PCSK5: variants seen among roughly 807,000 people sequenced by gnomAD.
The protein encoded by PCSK5 is proprotein convertase subtilisin/kexin type 5.
A neutral mutation model predicts 233.2 loss-of-function variants in PCSK5; 129 were observed. That is an observed-to-expected ratio of 0.55 (90% CI 0.48 to 0.64). The LOEUF is 0.64. PCSK5 is among the 30% of genes least tolerant of loss of function. The pLI is 0.00. For synonymous variants in PCSK5, 825 were observed against 879.2 expected (o/e 0.94, Z 1.09); for missense variants, 2,076 against 2,430.1 (o/e 0.85, Z 3.06).
chr9:76,201,140 T>G (rs954724154), intron 20 of PCSK5, among the ~76,000 whole-genome samples: 2 of 152,160 alleles, frequency 1.3e-5, no homozygotes, highest in East Asian at 3.9e-4. Flanking sequence ...GCAAGGCCTG[T>G]TTGCAAAACT....
intron 10 of PCSK5, among the ~76,000 whole-genome samples, chr9:76,147,858 A>G (rs1231984578): frequency 6.6e-6 from 1 of 152,116 alleles, no homozygotes. Context: ...GCTCCCAGCC[A>G]CATCTGTTCT....
chr9:76,237,271 T>C (rs1035365472), intron 22 of PCSK5, among the ~76,000 whole-genome samples: 1 of 152,216 alleles, frequency 6.6e-6, no homozygotes, highest in Non-Finnish European at 1.5e-5. Context: ...AAATGCACAT[T>C]AGTCCTTCCA....
At chr9:75,989,128 G>A (rs954896995) in intron 3 of PCSK5, among the ~76,000 whole-genome samples, 1 of 152,134 alleles carries the variant, frequency 6.6e-6, no homozygotes, top group Non-Finnish European at 1.5e-5. Flanking sequence ...GAACGAGTCA[G>A]GACTTTCAGA....
chr9:75,964,958 C>G (rs141559133), intron 2 of PCSK5, among the ~76,000 whole-genome samples: 144 of 152,204 alleles, frequency 9.5e-4, no homozygotes, highest in Middle Eastern at 3.4e-3. Context: ...AGGATTAGAC[C>G]GTGAAATGGT....
chr9:76,190,501 T>C (rs1824320645), intron 20 of PCSK5, among the ~76,000 whole-genome samples: 1 of 152,180 alleles, frequency 6.6e-6, no homozygotes. Context: ...CTTTTTGCAC[T>C]AAGGATTAGG....
intron 24 of PCSK5, among the ~76,000 whole-genome samples, chr9:76,256,793 C>A (rs1826996603): frequency 6.6e-6 from 1 of 152,172 alleles, no homozygotes; most frequent in African/African-American, 2.4e-5. Context: ...AAAATTGAGT[C>A]AGAAATCTTA....
At chr9:75,932,924 A>G (rs530878575) in intron 2 of PCSK5, among the ~76,000 whole-genome samples, 1 of 152,226 alleles carries the variant, frequency 6.6e-6, no homozygotes, top group East Asian at 1.9e-4. Flanking sequence ...TTTACTTGGC[A>G]CTGATAGACC....
At chr9:76,347,696 G>C (rs1350169311) in intron 35 of PCSK5, among the ~76,000 whole-genome samples, 2 of 150,796 alleles carry the variant, frequency 1.3e-5, no homozygotes, top group East Asian at 3.9e-4. Context: ...ATCAAGACCA[G>C]CCTGGCCAAC....
At chr9:76,287,449 G>T in intron 24 of PCSK5, 1 of 158,894 alleles carries the variant, frequency 6.3e-6, no homozygotes, top group Non-Finnish European at 1.4e-5. Context: ...TCTGACTTTG[G>T]CATGTCATCT....
At chr9:75,948,502 A>G (rs1824690226) in intron 2 of PCSK5, among the ~76,000 whole-genome samples, 1 of 151,960 alleles carries the variant, frequency 6.6e-6, no homozygotes, top group South Asian at 2.1e-4. Context: ...GTCCTTTTTT[A>G]TGGCTGCATA....
chr9:76,083,427 C>T (rs535964220), intron 7 of PCSK5, among the ~76,000 whole-genome samples: 38 of 152,146 alleles, frequency 2.5e-4, no homozygotes, highest in African/African-American at 9.2e-4. Context: ...TTTAGTAATA[C>T]CAATTAAAGC....
At chr9:76,106,682 C>T (rs78459620) in intron 8 of PCSK5, among the ~76,000 whole-genome samples, 125 of 152,302 alleles carry the variant, frequency 8.2e-4, no homozygotes, top group East Asian at 3.3e-3. Context: ...AGTCTTGGTT[C>T]ATCCGTGCAA....
intron 20 of PCSK5, chr9:76,195,578 TATATA>T (rs1458027556): frequency 6.6e-6 from 1 of 152,162 alleles, no homozygotes; most frequent in African/African-American, 2.4e-5. Flanking sequence ...AAGTTAATGT[TATATA>T]TTATGTATAA....
intron 30 of PCSK5, among the ~76,000 whole-genome samples, chr9:76,312,810 T>C (rs527787280): frequency 1.3e-5 from 2 of 152,188 alleles, no homozygotes; most frequent in South Asian, 2.1e-4. Context: ...ACAATTGATA[T>C]TGATATTGAT....
At chr9:76,252,525 A>C (rs899000657) in intron 24 of PCSK5, among the ~76,000 whole-genome samples, 3 of 152,202 alleles carry the variant, frequency 2.0e-5, no homozygotes, top group Admixed American at 2.0e-4. Context: ...GGGATTGAGC[A>C]CACAGGGGAG....
rs1830443513 is a variant in PCSK5, at chr9:76,362,354, G to T, written c.*3432G>T. 1 of 152,318 alleles carries T rather than the reference G, an allele frequency of 6.6e-6. No homozygotes were observed. Among genetic ancestry groups the T allele is most frequent in the South Asian group, 2.1e-4 (1 of 4,824 alleles). The allele number at this position is 152,318 out of a possible 1,614,324, so 9.4% of individuals were successfully genotyped here. A position where few individuals can be genotyped will look rare whatever the true frequency, so the allele number is the denominator to read the frequency against. On this transcript the variant is annotated 3_prime_UTR_variant, in exon 38 of 38. Transcript: ENST00000674117. The stretch of plus-strand genomic sequence containing the variant: ...AATCAAGACCAGATAATGCTATGGA[G>T]ACTTACTTATTAAATAACTTTCTGA...
rs564444063 is a variant in PCSK5, at chr9:75,985,057, G to C, written c.298-1075G>C. Among the ~76,000 whole-genome samples, 51 of 152,150 alleles carry C rather than the reference G, an allele frequency of 3.4e-4. No individual in the cohort carries two copies. In the South Asian group the frequency reaches 0.011, roughly 32 times the overall value. On this transcript the variant is annotated intron_variant, in intron 2 of 37. Transcript: ENST00000674117. Reference sequence around the variant, plus strand: ...TCCTTTGTGGAGAGGAGGGATAAATGGTAGAACAAAACATTCCAGAGCATT... The same window carrying C: ...TCCTTTGTGGAGAGGAGGGATAAATCGTAGAACAAAACATTCCAGAGCATT...
At chr9:76,165,915 G>A (rs1029271229) in intron 12 of PCSK5, among the ~76,000 whole-genome samples, 245 of 146,436 alleles carry the variant, frequency 1.7e-3, no homozygotes, top group Non-Finnish European at 3.0e-3. Context: ...TCCATGGTTC[G>A]ACACTTGATT....
chr9:76,120,579 T>C (rs1832594081), intron 9 of PCSK5, among the ~76,000 whole-genome samples: 1 of 152,082 alleles, frequency 6.6e-6, no homozygotes, highest in South Asian at 2.1e-4. Context: ...ATTACCATTA[T>C]GTCTTTAACT....
Sources: allele counts gnomAD v4.1 joint callset (sites outside exome capture counted in the v4.1 genomes callset), GRCh38; gene constraint gnomAD v4.1.1; transcripts MANE v1.5; gene names NCBI Gene and HGNC (gene_info 2026-07-23, HGNC 2026-07-21).